Variants in WDR31 observed in about 807,000 individuals in gnomAD.
The protein encoded by WDR31 is WD repeat domain 31.
WDR31 carries 30 observed loss-of-function variants against 47.3 expected under a neutral mutation model. That is an observed-to-expected ratio of 0.63 (90% confidence interval 0.47 to 0.86). The LOEUF (loss-of-function observed/expected upper bound fraction) is 0.86. Among genes scored for constraint, WDR31 ranks in the 40% least tolerant of loss-of-function variants. The pLI is 0.00. For missense variants in WDR31, 406 were observed against 442.9 expected (o/e 0.92, Z 0.75); for synonymous variants, 137 against 159.4 (o/e 0.86, Z 1.06).
intron 5 of WDR31, among the ~76,000 whole-genome samples, chr9:113,324,826 ATATGTGTGTGTGTGTGTGTGTG>A (rs1259917534): frequency 7.3e-5 from 8 of 109,362 alleles, no homozygotes; most frequent in South Asian, 3.5e-4. Flanking sequence ...CTATATATAT[ATATGTGTGTGTGTGTGTGTGTG>A]TGTGTGTGTG....
chr9:113,328,078 C>A (rs1010465178), intron 5 of WDR31, among the ~76,000 whole-genome samples: 2 of 152,198 alleles, frequency 1.3e-5, no homozygotes, highest in African/African-American at 4.8e-5. Context: ...AGCAAGCTGG[C>A]AGCAGTCTCA....
chr9:113,337,000 T>C (rs995582480), intron 1 of WDR31, among the ~76,000 whole-genome samples: 1 of 152,262 alleles, frequency 6.6e-6, no homozygotes, highest in African/African-American at 2.4e-5. Flanking sequence ...TAAACAGCTT[T>C]ATTGCATTTT....
In WDR31 at chr9:113,315,911, C is replaced by T. The variant is rs80028839; in HGVS notation, c.*838G>A. 2 of 152,342 alleles carry T rather than the reference C, an allele frequency of 1.3e-5. No homozygotes were observed. Among genetic ancestry groups the T allele is most frequent in the South Asian group, 4.1e-4 (2 of 4,832 alleles). The allele number at this position is 152,342 out of a possible 1,614,324, so 9.4% of individuals were successfully genotyped here. ...GTTATTTCAGGGATCCCCTTTGCCT[C>T]ACTCTGGCCATTCCAAAACATATAT... On this transcript the variant is annotated 3_prime_UTR_variant, in exon 11 of 11. Coordinates refer to ENST00000374193, the MANE Select transcript of WDR31 (RefSeq NM_001012361.4).
chr9:113,320,254 C>A, intron 9 of WDR31, 103 bp downstream of exon 9: 1 of 1,446,494 alleles, frequency 6.9e-7, no homozygotes, highest in Non-Finnish European at 9.3e-7. Flanking sequence ...GAGGCCTGAG[C>A]CATTAGCAAA....
Position 113,332,520 on chromosome 9 carries a change from A to T in WDR31, c.-28-470T>A, listed in dbSNP as rs1833621060. Among the ~76,000 whole-genome samples the T allele has an allele frequency of 2.0e-5, 3 of 152,358 alleles. No individual in the cohort carries two copies. The South Asian group carries it at 6.2e-4, about 32-fold the overall frequency. ...AACATGGGTGAATCTTGAGAACATC[A>T]TGCTAAGCAAAAGAAGCCAGACATG... On this transcript the variant is annotated intron_variant, in intron 2 of 10. Transcript: ENST00000374193.
At position 113,340,223 on chromosome 9, in the gene WDR31, G is replaced by C. The variant is rs947703931; in HGVS notation, c.-188C>G. ...CCTCAGGCTCAGTACCCACCGGTGG[G>C]CTGCGGGGCTGGAGCTGGGGCCGGC... On this transcript the variant is annotated 5_prime_UTR_variant, in exon 1 of 11. Coordinates refer to ENST00000374193, the MANE Select transcript of WDR31 (RefSeq NM_001012361.4). 6.6e-6 allele frequency: 1 copy of C among 152,224 alleles called. No homozygotes were observed. The allele number at this position is 152,224 out of a possible 1,614,324, so 9.4% of individuals were successfully genotyped here. A position where few individuals can be genotyped will look rare whatever the true frequency, so the allele number is the denominator to read the frequency against.
At chr9:113,330,929 T>A in intron 4 of WDR31, 55 bp downstream of exon 4, 1 of 1,531,280 alleles carries the variant, frequency 6.5e-7, no homozygotes, top group African/African-American at 1.4e-5. Flanking sequence ...CCTTTCAAAA[T>A]ATCTTCCTTT....
In WDR31 at chr9:113,318,309, C is replaced by G. The variant is rs1437157176; in HGVS notation, c.943+166G>C. 3.3e-5 allele frequency among the ~76,000 whole-genome samples: 5 copies of G among 152,300 alleles called. No individual in the cohort carries two copies. In the East Asian group the frequency reaches 5.8e-4, roughly 18 times the overall value. ...GGAATGAGTCTATACAACATGGTAC[C>G]AGGGGATACAGGGGATAGCATCTTG... is the stretch of plus-strand genomic sequence containing the variant. On this transcript the variant is annotated intron_variant, in intron 10 of 10. Transcript: ENST00000374193.
In WDR31 at chr9:113,331,006, C is replaced by A. The variant is rs866623708; in HGVS notation, c.227G>T (p.Cys76Phe). 6.2e-7 allele frequency: 1 copy of A among 1,609,602 alleles called. No individual in the cohort carries two copies. Among genetic ancestry groups the A allele is most frequent in the Non-Finnish European group, 8.5e-7 (1 of 1,176,664 alleles). ...CACCTTATCTTTCCCTCCAGAGACA[C>A]AAAGGTCTGAGTTCAAAGCAGCCAC... is the stretch of plus-strand genomic sequence containing the variant. ...SVVAALNSDL[C>F]VSGGKDKTVV... Residue 76 changes from cysteine (C) to phenylalanine (F), a missense_variant, in exon 4 of 11, where the codon TGT becomes TTT. Coordinates refer to ENST00000374193, the MANE Select transcript of WDR31 (RefSeq NM_001012361.4).
At position 113,322,759 on chromosome 9, in the gene WDR31, C is replaced by T. The variant is rs926899160; in HGVS notation, c.570+52G>A. On this transcript the variant is annotated intron_variant, in intron 7 of 10. Coordinates refer to ENST00000374193, the MANE Select transcript of WDR31 (RefSeq NM_001012361.4). Reference sequence around the variant, plus strand: ...TGATTTATCTCCCGAGCCTTTCCTTCACCCCATGCTCCTTTCTGCTGCCCT... The same window carrying T: ...TGATTTATCTCCCGAGCCTTTCCTTTACCCCATGCTCCTTTCTGCTGCCCT... 4 of 1,572,340 alleles carry T rather than the reference C, an allele frequency of 2.5e-6. No homozygotes were observed. In the South Asian group the frequency reaches 4.6e-5, roughly 18 times the overall value.
Position 113,320,555 on chromosome 9 carries a change from G to A in WDR31, c.639-57C>T, listed in dbSNP as rs985528185. 135 of 1,572,988 alleles carry A rather than the reference G, an allele frequency of 8.6e-5. 1 individual carries two copies. The South Asian group carries it at 1.3e-3, about 15-fold the overall frequency. ...TAGTAAATGTGGCTGAAATACACCC[G>A]TATTGTCCCACTACCAAAAAAGTCT... On this transcript the variant is annotated intron_variant, in intron 8 of 10. Coordinates refer to ENST00000374193, the MANE Select transcript of WDR31 (RefSeq NM_001012361.4).
chr9:113,337,111 T>C (rs1833729322), intron 1 of WDR31, among the ~76,000 whole-genome samples: 1 of 152,248 alleles, frequency 6.6e-6, no homozygotes, highest in Admixed American at 6.5e-5. Flanking sequence ...GAACAACATT[T>C]CATTAAATGC....
intron 9 of WDR31, among the ~76,000 whole-genome samples, chr9:113,319,746 AG>A (rs1208077659): frequency 1.3e-5 from 2 of 152,184 alleles, no homozygotes; most frequent in African/African-American, 4.8e-5. Context: ...TTTCCTAAAA[AG>A]CTTGAGCTTC....
chr9:113,324,826 ATATGTGTGTGTGTG>A (rs1474600365), intron 5 of WDR31, among the ~76,000 whole-genome samples: 25 of 109,372 alleles, frequency 2.3e-4, no homozygotes, highest in East Asian at 2.0e-3. Context: ...CTATATATAT[ATATGTGTGTGTGTG>A]TGTGTGTGTG....
At chr9:113,332,425 T>A (rs375423193) in intron 2 of WDR31, among the ~76,000 whole-genome samples, 1 of 152,108 alleles carries the variant, frequency 6.6e-6, no homozygotes, top group East Asian at 1.9e-4. Flanking sequence ...TGGAGAAACA[T>A]CATGTGGTCA....
chr9:113,317,272 G>A (rs1833227079), intron 10 of WDR31, among the ~76,000 whole-genome samples: 1 of 152,196 alleles, frequency 6.6e-6, no homozygotes, highest in Non-Finnish European at 1.5e-5. Flanking sequence ...CTGGCTTCCT[G>A]GGGTCTTGAT....
Position 113,329,708 on chromosome 9 carries a change from G to A in WDR31, c.250-753C>T, listed in dbSNP as rs145687964. ...TGAAAACAGGGCCAGGCACAGTGGC[G>A]CACGCCTGTAATCCCAGCACTTTGG... On this transcript the variant is annotated intron_variant, in intron 4 of 10. Transcript: ENST00000374193. 6.4e-3 allele frequency among the ~76,000 whole-genome samples: 920 copies of A among 143,466 alleles called. 10 individuals carry two copies. The highest frequency in any genetic ancestry group is 0.022 in the African/African-American group (862 of 38,698). The allele number at this position is 143,466 out of a possible 152,430, so 94.1% of individuals were successfully genotyped here.
chr9:113,324,991 G>A (rs1288422378), intron 5 of WDR31, among the ~76,000 whole-genome samples: 2 of 152,016 alleles, frequency 1.3e-5, no homozygotes, highest in Admixed American at 1.3e-4. Flanking sequence ...TGTCGCCCAG[G>A]CTGGAGTGCA....
Position 113,331,040 on chromosome 9 carries a change from C to T in WDR31, c.193G>A (p.Val65Ile), listed in dbSNP as rs762016572. The T allele has an allele frequency of 3.7e-6, 6 of 1,612,066 alleles. No homozygotes were observed. The highest frequency in any genetic ancestry group is 2.2e-5 in the East Asian group (1 of 44,886). ...QEYSPAHMDT[V>I]SVVAALNSDL... is the part of the protein sequence containing the mutation. ...GAGTTCAAAGCAGCCACGACAGAGA[C>T]GGTATCCATGTGAGCTGGGCTATAC... The change falls in exon 4 of 11, where the codon GTC (valine) becomes ATC (isoleucine). Residue 65 changes from valine to isoleucine, a missense_variant. Physicochemically the swap from Val to Ile is conservative, Grantham distance 29. Coordinates refer to ENST00000374193, the MANE Select transcript of WDR31 (RefSeq NM_001012361.4).
Sources: allele counts gnomAD v4.1 joint callset (sites outside exome capture counted in the v4.1 genomes callset), GRCh38; gene constraint gnomAD v4.1.1; transcripts MANE v1.5; gene names NCBI Gene and HGNC (gene_info 2026-07-23, HGNC 2026-07-21).